SHQ1: variants seen among roughly 807,000 people sequenced by gnomAD.
SHQ1 encodes protein SHQ1 homolog.
SHQ1 carries 49 observed loss-of-function variants against 53.8 expected under a neutral mutation model. The observed-to-expected ratio is 0.91, with a 90% CI of 0.72 to 1.16. The LOEUF (loss-of-function observed/expected upper bound fraction) is 1.16. SHQ1 is among the 50% of genes most tolerant of loss of function. The probability of loss-of-function intolerance (pLI) is 0.00; values close to 1 mark genes in which losing one functional copy is unlikely to be tolerated. For synonymous variants in SHQ1, 243 were observed against 251.0 expected, an observed-to-expected ratio of 0.97 and a Z score of 0.30; for missense variants, 738 against 683.1, an observed-to-expected ratio of 1.08 and a Z score of -0.90.
At chr3:72,836,832 T>C (rs1381685272) in intron 4 of SHQ1, among the ~76,000 whole-genome samples, 1 of 152,190 alleles carries the variant, frequency 6.6e-6, no homozygotes, top group Non-Finnish European at 1.5e-5. Flanking sequence ...CACTAGTTAT[T>C]AGAGCTATTT....
chr3:72,792,802 A>AC (rs1320781851), intron 10 of SHQ1, 114 bp downstream of exon 10: 1 of 753,462 alleles, frequency 1.3e-6, no homozygotes, highest in African/African-American at 1.9e-5. Flanking sequence ...AAAAAAAAAA[A>AC]AAAAAAAAAC....
intron 10 of SHQ1, among the ~76,000 whole-genome samples, chr3:72,781,340 G>A (rs1168164027): frequency 6.6e-6 from 1 of 152,088 alleles, no homozygotes. Context: ...ATGGGCGTGA[G>A]ACACCATGCA....
chr3:72,825,731 T>G (rs543628707), intron 5 of SHQ1, among the ~76,000 whole-genome samples: 1 of 152,304 alleles, frequency 6.6e-6, no homozygotes, highest in African/African-American at 2.4e-5. Context: ...ACTCAAGGAA[T>G]TGGTTGCTTT....
intron 9 of SHQ1, among the ~76,000 whole-genome samples, chr3:72,811,170 T>C (rs1374743605): frequency 1.3e-5 from 2 of 152,202 alleles, no homozygotes; most frequent in South Asian, 2.1e-4. Context: ...ATAGTCTGTA[T>C]ATGTGAGTGA....
In SHQ1 at chr3:72,749,330, A is replaced by G. The variant is rs1705316546; in HGVS notation, c.*954T>C. The stretch of plus-strand genomic sequence containing the variant: ...TTTATAACAGCCCCAAACTGGAAAC[A>G]ACCCAGGTGTCCATCGATAGGTCAA... On this transcript the variant is annotated 3_prime_UTR_variant, in exon 11 of 11. Coordinates refer to ENST00000325599, the MANE Select transcript of SHQ1 (RefSeq NM_018130.3). The G allele has an allele frequency of 4.3e-6, 1 of 229,898 alleles. No individual in the cohort carries two copies. The highest frequency in any genetic ancestry group is 2.2e-5 in the African/African-American group (1 of 45,164). 14.2% of individuals were successfully genotyped at this position (229,898 alleles called of 1,614,324 possible).
chr3:72,779,543 T>C (rs937630462), intron 10 of SHQ1, among the ~76,000 whole-genome samples: 3 of 152,234 alleles, frequency 2.0e-5, no homozygotes, highest in African/African-American at 7.2e-5. Context: ...CCACAAATTC[T>C]AGAAGGGCAG....
At chr3:72,732,119 T>C in the SHQ1 span, among the ~76,000 whole-genome samples, 2 of 151,550 alleles carry the variant, frequency 1.3e-5, no homozygotes, top group African/African-American at 2.4e-5. Context: ...AGATTGTAAA[T>C]ACACACTTTA....
Position 72,842,307 on chromosome 3 carries a change from T to A in SHQ1, c.304A>T (p.Thr102Ser), listed in dbSNP as rs768095698. The A allele has an allele frequency of 2.7e-5, 44 of 1,613,800 alleles. No homozygotes were observed. Among genetic ancestry groups the A allele is most frequent in the Admixed American group, 1.8e-4 (11 of 60,002 alleles). The change falls in exon 3 of 11, where the codon ACA (threonine) becomes TCA (serine). Residue 102 changes from threonine (T) to serine (S), a missense_variant. Transcript: ENST00000325599. ...ATTTCTTCCACAAGTGGTTTTGCTG[T>A]CCTGGATTTTCTTGGTGCCAGAAGA... ...TALLAPRKSR[T>S]AKPLVEEIGA...
the SHQ1 span, among the ~76,000 whole-genome samples, chr3:72,726,026 A>C: frequency 1.3e-4 from 20 of 152,290 alleles, no homozygotes; most frequent in African/African-American, 4.8e-4. Context: ...CCAGCTACTC[A>C]GGAGGCCAAG....
At chr3:72,835,057 A>T (rs1377954415) in intron 4 of SHQ1, among the ~76,000 whole-genome samples, 1 of 149,906 alleles carries the variant, frequency 6.7e-6, no homozygotes, top group Non-Finnish European at 1.5e-5. Flanking sequence ...AGCTGTCCTC[A>T]TTCCTTGGTT....
chr3:72,778,957 T>C (rs895286318), intron 10 of SHQ1, among the ~76,000 whole-genome samples: 7 of 152,182 alleles, frequency 4.6e-5, no homozygotes, highest in Admixed American at 1.3e-4. Flanking sequence ...TTCCTAAAAA[T>C]CCTAATTCCC....
the SHQ1 span, among the ~76,000 whole-genome samples, chr3:72,732,389 C>CCTTT: frequency 1.3e-5 from 1 of 75,548 alleles, no homozygotes; most frequent in African/African-American, 4.1e-5. Flanking sequence ...TGCCTGCCTG[C>CCTTT]CTTCCTTCCT....
chr3:72,749,846 G>C lies in SHQ1; in HGVS notation c.*438C>G. 1 of 225,170 alleles carries C rather than the reference G, an allele frequency of 4.4e-6. No homozygotes were observed. The highest frequency in any genetic ancestry group is 8.8e-6 in the Non-Finnish European group (1 of 113,264). The allele number at this position is 225,170 out of a possible 1,614,324, so 13.9% of individuals were successfully genotyped here. A position where few individuals can be genotyped will look rare whatever the true frequency, so the allele number is the denominator to read the frequency against. Reference sequence around the variant, plus strand: ...AAACATTCATTGGTTGAAAAACAATGTCATAAAGTTGTCCCCGTATCTGTG... The same window carrying C: ...AAACATTCATTGGTTGAAAAACAATCTCATAAAGTTGTCCCCGTATCTGTG... On this transcript the variant is annotated 3_prime_UTR_variant, in exon 11 of 11. Transcript: ENST00000325599.
At chr3:72,729,157 T>C in the SHQ1 span, among the ~76,000 whole-genome samples, 3 of 152,210 alleles carry the variant, frequency 2.0e-5, no homozygotes, top group Non-Finnish European at 2.9e-5. Context: ...CCCGAGCTTT[T>C]ATCTTGTGAC....
chr3:72,831,912 T>C (rs1707834507), intron 5 of SHQ1, among the ~76,000 whole-genome samples: 1 of 152,258 alleles, frequency 6.6e-6, no homozygotes. Context: ...ATTGGAAACA[T>C]ATCACTGATT....
At chr3:72,841,672 C>T (rs1708182590) in intron 3 of SHQ1, among the ~76,000 whole-genome samples, 1 of 152,274 alleles carries the variant, frequency 6.6e-6, no homozygotes, top group South Asian at 2.1e-4. Flanking sequence ...AACTTTTTGG[C>T]ACCAGAGACC....
At chr3:72,827,346 G>A (rs1292830976) in intron 5 of SHQ1, among the ~76,000 whole-genome samples, 6 of 152,160 alleles carry the variant, frequency 3.9e-5, no homozygotes, top group South Asian at 2.1e-4. Flanking sequence ...AAACCAAGAA[G>A]AGGATAAAAT....
chr3:72,828,936 T>C (rs1407948868), intron 5 of SHQ1, among the ~76,000 whole-genome samples: 1 of 151,884 alleles, frequency 6.6e-6, no homozygotes, highest in Non-Finnish European at 1.5e-5. Flanking sequence ...TAATGGTTCA[T>C]GGTTGATGGA....
rs369446026 is a variant in SHQ1 at position 72,830,608 on chromosome 3, TATAA to T, written c.599+1757_599+1760del. Among the ~76,000 whole-genome samples, 262 of 152,160 alleles carry T rather than the reference TATAA, an allele frequency of 1.7e-3. 1 individual carries two copies. Among genetic ancestry groups the T allele is most frequent in the African/African-American group, 6.1e-3 (251 of 41,462 alleles). On this transcript the variant is annotated intron_variant, in intron 5 of 10. Coordinates refer to ENST00000325599, the MANE Select transcript of SHQ1 (RefSeq NM_018130.3). ...ACATTTGGGTGAGTCAGTCAGCTAA[TATAA>T]ATAGTGAGTAGTAACACAAAAATTA... is the stretch of plus-strand genomic sequence containing the variant.
Sources: gnomAD v4.1 joint callset for allele counts (sites outside exome capture counted in the v4.1 genomes callset) on GRCh38, gnomAD v4.1.1 for gene constraint, MANE v1.5 for transcripts, NCBI Gene and HGNC (gene_info 2026-07-23, HGNC 2026-07-21) for gene names.